The following SH3BP2 variants were observed in gnomAD, a reference collection of about 807,000 sequenced individuals.
SH3BP2 encodes the protein SH3 domain binding protein 2.
SH3BP2 carries 38 observed loss-of-function variants against 56.2 expected under a neutral mutation model. The ratio of observed to expected loss-of-function variants is 0.68; its 90% CI spans 0.52 to 0.89. The LOEUF (loss-of-function observed/expected upper bound fraction) is 0.89. SH3BP2 is among the 40% of genes least tolerant of loss of function. The pLI is 0.00. For synonymous variants in SH3BP2, 346 were observed against 316.7 expected (o/e 1.09, Z -0.98); for missense variants, 748 against 762.6 (o/e 0.98, Z 0.23).
At position 2,820,722 on chromosome 4, in the gene SH3BP2, G is replaced by A. The variant is rs1383244649; in HGVS notation, c.105G>A (p.Lys35=). 1 of 1,614,026 alleles carries A rather than the reference G, an allele frequency of 6.2e-7. No homozygotes were observed. Among genetic ancestry groups the A allele is most frequent in the Admixed American group, 1.7e-5 (1 of 60,016 alleles). Residue 35 remains lysine, a synonymous_variant, in exon 2 of 13, where the codon AAG becomes AAA. Transcript: ENST00000503393. ...TGGCCAAGGCTGGCTACCTGCACAA[G>A]AAGGGCGGTACCCAGCTGCAGCTGC... ...GGVAKAGYLH[K]KGGTQLQLLK...
chr4:2,795,824 C>T (rs560583931), intron 1 of SH3BP2, among the ~76,000 whole-genome samples: 5 of 152,150 alleles, frequency 3.3e-5, no homozygotes, highest in African/African-American at 4.8e-5. Context: ...GAGAAGGGGC[C>T]GTGCAGACCC....
At chr4:2,812,546 G>A (rs1723796321) in intron 1 of SH3BP2, 1 of 1,508,630 alleles carries the variant, frequency 6.6e-7, no homozygotes, top group Non-Finnish European at 8.9e-7. Flanking sequence ...GAACCAGTAA[G>A]GGGGCCCCAC....
intron 6 of SH3BP2, 110 bp from the exon 7 acceptor site, chr4:2,827,496 C>A: frequency 8.0e-7 from 1 of 1,256,142 alleles, no homozygotes; most frequent in Non-Finnish European, 1.1e-6. Context: ...CACAGTCCTC[C>A]CAGCAGGTGC....
chr4:2,826,586 G>A (rs1340740138), intron 5 of SH3BP2: 4 of 316,924 alleles, frequency 1.3e-5, no homozygotes, highest in Non-Finnish European at 2.4e-5. Flanking sequence ...GTGTGTGTGT[G>A]CATGTCTGTG....
chr4:2,815,092 C>A (rs1486000626), intron 1 of SH3BP2, among the ~76,000 whole-genome samples: 7 of 152,212 alleles, frequency 4.6e-5, no homozygotes, highest in Admixed American at 4.6e-4. Flanking sequence ...ATTCTGTGAG[C>A]TGGGCTGAAC....
intron 1 of SH3BP2, chr4:2,812,436 G>T: frequency 4.5e-6 from 7 of 1,550,324 alleles, no homozygotes; most frequent in Non-Finnish European, 6.1e-6. Flanking sequence ...CCCCGAGCAG[G>T]TCACGAGGAC....
chr4:2,821,472 A>G (rs767142911), intron 2 of SH3BP2, among the ~76,000 whole-genome samples: 7 of 152,204 alleles, frequency 4.6e-5, no homozygotes, highest in Non-Finnish European at 1.0e-4. Context: ...CAGTGGAGCT[A>G]GGGTGGTTTC....
intron 1 of SH3BP2, chr4:2,812,107 G>A: frequency 1.6e-6 from 2 of 1,230,808 alleles, no homozygotes; most frequent in East Asian, 3.1e-5. Flanking sequence ...CAGGATGGGA[G>A]GGCAGGAGCA....
intron 5 of SH3BP2, 149 bp from the exon 6 acceptor site, chr4:2,827,081 A>G (rs770641083): frequency 8.4e-6 from 6 of 712,738 alleles, no homozygotes; most frequent in Non-Finnish European, 2.5e-6. Context: ...CAGCTTAACC[A>G]TGTGTGCATG....
chr4:2,818,264 G>T, intron 1 of SH3BP2: 1 of 1,009,778 alleles, frequency 9.9e-7, no homozygotes, highest in South Asian at 4.5e-5. Flanking sequence ...TGGGGCCGGC[G>T]GGAGGCGGGC....
chr4:2,834,260 T>G lies in SH3BP2; in HGVS notation c.*426T>G, dbSNP rs1725155780. On this transcript the variant is annotated 3_prime_UTR_variant, in exon 13 of 13. Transcript: ENST00000503393. ...AGACACAGGCTCCAGTAGGGGCTGT[T>G]GCCTCCAATAAAGCAGCAGTGAGCT... 2 of 168,624 alleles carry G rather than the reference T, an allele frequency of 1.2e-5. No homozygotes were observed. Among genetic ancestry groups the G allele is most frequent in the Non-Finnish European group, 2.5e-5 (2 of 78,718 alleles). 10.4% of individuals were successfully genotyped at this position (168,624 alleles called of 1,614,324 possible).
At position 2,829,365 on chromosome 4, in the gene SH3BP2, G is replaced by A; in HGVS notation, c.587-128G>A. 1 of 921,874 alleles carries A rather than the reference G, an allele frequency of 1.1e-6. No homozygotes were observed. The highest frequency in any genetic ancestry group is 2.6e-5 in the East Asian group (1 of 39,114). The allele number at this position is 921,874 out of a possible 1,614,324, so 57.1% of individuals were successfully genotyped here. A position where few individuals can be genotyped will look rare whatever the true frequency, so the allele number is the denominator to read the frequency against. On this transcript the variant is annotated intron_variant, in intron 7 of 12. Transcript: ENST00000503393. This position sits in a 1 kb window ranked among gnomAD's most constrained non-coding sequence, Gnocchi z 4.9. The stretch of plus-strand genomic sequence containing the variant: ...GGGAGTGCTGGGTGCTGGGCTGCTG[G>A]GTGGGCAGGCTGTGGGGTGGGCCTA...
In SH3BP2 at chr4:2,831,679, G is replaced by C; in HGVS notation, c.1350G>C (p.Lys450Asn). The C allele has an allele frequency of 6.3e-7, 1 of 1,587,964 alleles. No homozygotes were observed. The highest frequency in any genetic ancestry group is 1.1e-5 in the South Asian group (1 of 87,844). Residue 450 changes from lysine to asparagine, a missense_variant and splice_region_variant, in exon 9 of 13, where the codon AAG (lysine) becomes AAC (asparagine). Physicochemically the swap from Lys to Asn is moderately conservative, Grantham distance 94 (BLOSUM62 0). This residue lies in a region of SH3BP2 where 635 missense variants were observed against 615.0 expected (regional missense o/e 1.03). Transcript: ENST00000503393. This position sits in a 1 kb window ranked among gnomAD's most constrained non-coding sequence, Gnocchi z 4.1. The part of the protein sequence containing the change: ...GGDDSDEDYE[K>N]VPLPNSVFVN... ...ACGACTCGGACGAGGACTATGAGAA[G>C]GCAAGGCTGAGCGGCAAGCCTGGGT...
chr4:2,805,775 C>T (rs1364556303), intron 1 of SH3BP2, among the ~76,000 whole-genome samples: 1 of 152,094 alleles, frequency 6.6e-6, no homozygotes, highest in Non-Finnish European at 1.5e-5. Context: ...GGGTCCAGCC[C>T]AGGGGAGTGT....
chr4:2,822,697 G>C (rs2108728110), intron 2 of SH3BP2, among the ~76,000 whole-genome samples: 1 of 152,368 alleles, frequency 6.6e-6, no homozygotes, highest in South Asian at 2.1e-4. Context: ...TGGGCAGCCA[G>C]GCCTGCCCTC....
chr4:2,811,595 C>T (rs1294620547), intron 1 of SH3BP2, among the ~76,000 whole-genome samples: 3 of 152,174 alleles, frequency 2.0e-5, no homozygotes, highest in East Asian at 1.9e-4. Flanking sequence ...GAATTCTGAG[C>T]GGGCCTTGGG....
At chr4:2,820,529 C>T (rs1272477113) in intron 1 of SH3BP2, 85 bp from the exon 2 acceptor site, 1 of 1,543,134 alleles carries the variant, frequency 6.5e-7, no homozygotes, top group Non-Finnish European at 9.0e-7. Context: ...TGTCCTGGAT[C>T]TTGGCAGTGT....
At chr4:2,823,149 G>A (rs956751732) in intron 3 of SH3BP2, 112 bp downstream of exon 3, 11 of 805,260 alleles carry the variant, frequency 1.4e-5, no homozygotes, top group African/African-American at 8.5e-5. Flanking sequence ...GTGCTTTCCC[G>A]AAGCAGCCTT....
At chr4:2,809,291 T>C (rs1391626166) in intron 1 of SH3BP2, among the ~76,000 whole-genome samples, 1 of 148,466 alleles carries the variant, frequency 6.7e-6, no homozygotes, top group East Asian at 2.0e-4. Flanking sequence ...AGTGCCCACC[T>C]TCTCCCAGGG....
Sources: allele counts gnomAD v4.1 joint callset (sites outside exome capture counted in the v4.1 genomes callset), GRCh38; gene constraint gnomAD v4.1.1; regional missense constraint gnomAD v4.1.1; non-coding constraint Gnocchi (gnomAD v3.1); transcripts MANE v1.5; gene names NCBI Gene and HGNC (gene_info 2026-07-23, HGNC 2026-07-21).